MCF2L2: variants seen among roughly 807,000 people sequenced by gnomAD.
The protein encoded by MCF2L2 is MCF.2 cell line derived transforming sequence-like 2.
A neutral mutation model predicts 150.2 loss-of-function variants in MCF2L2; 102 were observed. That is an observed-to-expected ratio of 0.68 (90% confidence interval 0.58 to 0.80). The LOEUF (loss-of-function observed/expected upper bound fraction) is 0.80, where lower values mean the gene tolerates loss of function less well. MCF2L2 is among the 30% of genes least tolerant of loss of function. MCF2L2 has a pLI of 0.00. For missense variants in MCF2L2, 1,256 were observed against 1,372.8 expected (o/e 0.91, Z 1.34); for synonymous variants, 465 against 491.3 (o/e 0.95, Z 0.71).
chr3:183,406,836 C>CT (rs1387808390), intron 1 of MCF2L2, among the ~76,000 whole-genome samples: 1 of 152,154 alleles, frequency 6.6e-6, no homozygotes, highest in Non-Finnish European at 1.5e-5. Flanking sequence ...TTTTCATTCT[C>CT]TTAACAGTAT....
At chr3:183,209,734 C>T (rs1333385942) in intron 22 of MCF2L2, among the ~76,000 whole-genome samples, 3 of 152,102 alleles carry the variant, frequency 2.0e-5, no homozygotes, top group Non-Finnish European at 4.4e-5. Context: ...GGTGATCTGC[C>T]CACCTCAGCC....
chr3:183,262,235 G>A (rs973056178), intron 15 of MCF2L2, among the ~76,000 whole-genome samples: 5 of 132,140 alleles, frequency 3.8e-5, no homozygotes, highest in African/African-American at 1.6e-4. Context: ...ATACACTAAG[G>A]GTTAGTCTTG....
At chr3:183,348,854 C>T (rs1397664865) in intron 3 of MCF2L2, among the ~76,000 whole-genome samples, 1 of 152,038 alleles carries the variant, frequency 6.6e-6, no homozygotes, top group Non-Finnish European at 1.5e-5. Flanking sequence ...AATAACATTG[C>T]CCCAAAGACA....
At chr3:183,376,883 C>T (rs1249725366) in intron 3 of MCF2L2, 2 of 152,142 alleles carry the variant, frequency 1.3e-5, no homozygotes. Flanking sequence ...CTCTAAGTTA[C>T]CTTTCCTTCT....
chr3:183,421,508 TG>T (rs1416878616), intron 1 of MCF2L2, among the ~76,000 whole-genome samples: 1 of 152,236 alleles, frequency 6.6e-6, no homozygotes, highest in Non-Finnish European at 1.5e-5. Flanking sequence ...TTGCTCAGGT[TG>T]GTCTTGAACT....
chr3:183,243,750 C>T (rs1268019453), intron 15 of MCF2L2, among the ~76,000 whole-genome samples: 1 of 152,160 alleles, frequency 6.6e-6, no homozygotes, highest in African/African-American at 2.4e-5. Context: ...AGTGTTTGAA[C>T]AGTTCGTGCC....
At chr3:183,216,600 TTTTTTTTTTTTTTTTTG>T in intron 21 of MCF2L2, among the ~76,000 whole-genome samples, 2 of 28,852 alleles carry the variant, frequency 6.9e-5, no homozygotes, top group African/African-American at 1.8e-4. Context: ...TTTTTTTTTT[TTTTTTTTTTTTTTTTTG>T]AGAGCGAGAG....
At position 183,305,585 on chromosome 3, in the gene MCF2L2, TCACGCCTGTAATCC is replaced by T. The variant is rs1729057042; in HGVS notation, c.1113+4117_1113+4130del. Among the ~76,000 whole-genome samples the T allele has an allele frequency of 6.6e-6, 1 of 152,130 alleles. No homozygotes were observed. The highest frequency in any genetic ancestry group is 2.4e-5 in the African/African-American group (1 of 41,410). On this transcript the variant is annotated intron_variant, in intron 10 of 29. Coordinates refer to ENST00000328913, the MANE Select transcript of MCF2L2 (RefSeq NM_015078.4). This position sits in a 1 kb window ranked among gnomAD's most constrained non-coding sequence, Gnocchi z 4.1. Reference sequence around the variant, plus strand: ...AACTGAGGAGGCCGGGCGCAGTGGGTCACGCCTGTAATCCCAGCACTTTGGGAAGCCAAGGCCGG... The same window carrying T: ...AACTGAGGAGGCCGGGCGCAGTGGGTCAGCACTTTGGGAAGCCAAGGCCGG...
chr3:183,242,890 G>A (rs1287242884), intron 15 of MCF2L2, among the ~76,000 whole-genome samples: 1 of 152,246 alleles, frequency 6.6e-6, no homozygotes, highest in Admixed American at 6.5e-5. Flanking sequence ...CAGGGGCAGA[G>A]TTGCCCAAGG....
intron 27 of MCF2L2, among the ~76,000 whole-genome samples, chr3:183,183,947 A>C (rs1330049218): frequency 4.6e-5 from 7 of 152,144 alleles, no homozygotes; most frequent in African/African-American, 1.7e-4. Context: ...CCTCAGAAAA[A>C]CCATGCCAAA....
intron 3 of MCF2L2, among the ~76,000 whole-genome samples, chr3:183,342,620 ATGTGTGTGTGTGTGTGTG>A (rs57683720): frequency 0.011 from 1,570 of 142,960 alleles, 31 homozygotes; most frequent in African/African-American, 0.03. Flanking sequence ...TGAAGATTAA[ATGTGTGTGTGTGTGTGTG>A]TGTGTGTGTG....
intron 1 of MCF2L2, among the ~76,000 whole-genome samples, chr3:183,406,945 C>G (rs1434133258): frequency 6.6e-6 from 1 of 152,108 alleles, no homozygotes; most frequent in African/African-American, 2.4e-5. Context: ...CAACTAAGGT[C>G]ACAAAGATTT....
At chr3:183,325,850 A>G (rs1324878379) in intron 5 of MCF2L2, among the ~76,000 whole-genome samples, 3 of 152,216 alleles carry the variant, frequency 2.0e-5, no homozygotes, top group East Asian at 3.8e-4. Context: ...CGAAAAGTGA[A>G]AATTAAAAAC....
chr3:183,360,488 G>A (rs1712067131), intron 3 of MCF2L2, among the ~76,000 whole-genome samples: 1 of 151,972 alleles, frequency 6.6e-6, no homozygotes, highest in African/African-American at 2.4e-5. Context: ...GATTGCTTGA[G>A]TCCGGGAGTT....
intron 5 of MCF2L2, among the ~76,000 whole-genome samples, chr3:183,338,357 G>C (rs777383934): frequency 6.7e-6 from 1 of 149,218 alleles, no homozygotes; most frequent in African/African-American, 2.5e-5. Flanking sequence ...TGAGGCAGGA[G>C]AATCACTTGA....
chr3:183,400,018 T>C (rs1714656053), intron 1 of MCF2L2, among the ~76,000 whole-genome samples: 1 of 152,186 alleles, frequency 6.6e-6, no homozygotes, highest in Non-Finnish European at 1.5e-5. Flanking sequence ...TATACAATAT[T>C]CAGTGCACAT....
chr3:183,220,258 C>A (rs1723099756), intron 20 of MCF2L2, among the ~76,000 whole-genome samples: 1 of 151,832 alleles, frequency 6.6e-6, no homozygotes, highest in African/African-American at 2.4e-5. Flanking sequence ...TTTTCTCATT[C>A]AGCAATATCT....
chr3:183,245,185 T>A (rs1724194349), intron 15 of MCF2L2, among the ~76,000 whole-genome samples: 1 of 152,144 alleles, frequency 6.6e-6, no homozygotes, highest in Admixed American at 6.5e-5. Flanking sequence ...GAAACAAAGG[T>A]CACAAGACTT....
intron 7 of MCF2L2, among the ~76,000 whole-genome samples, chr3:183,311,991 G>T (rs1269893212): frequency 1.3e-5 from 2 of 152,134 alleles, no homozygotes; most frequent in African/African-American, 4.8e-5. Flanking sequence ...ATCAAAAAAA[G>T]TATATTTTTC....
Sources: allele counts gnomAD v4.1 joint callset (sites outside exome capture counted in the v4.1 genomes callset), GRCh38; gene constraint gnomAD v4.1.1; non-coding constraint Gnocchi (gnomAD v3.1); transcripts MANE v1.5; gene names NCBI Gene and HGNC (gene_info 2026-07-23, HGNC 2026-07-21).